EHF: variants seen among roughly 807,000 people sequenced by gnomAD.
EHF encodes the protein ETS homologous factor, also known as ESE3 transcription factor.
In EHF, 14 loss-of-function variants were observed where a neutral mutation model predicts 45.1. The observed-to-expected ratio is 0.31, with a 90% CI of 0.21 to 0.49. The LOEUF is 0.49. Among genes scored for constraint, EHF ranks in the 20% least tolerant of loss-of-function variants. The pLI is 0.99. For missense variants in EHF, 282 were observed against 371.4 expected (o/e 0.76, Z 1.98); for synonymous variants, 136 against 131.8 (o/e 1.03, Z -0.22).
chr11:34,636,435 T>A lies in EHF; in HGVS notation c.-3-6193T>A, dbSNP rs1015400020. 3.3e-5 allele frequency among the ~76,000 whole-genome samples: 5 copies of A among 152,182 alleles called. No homozygotes were observed. The East Asian group carries it at 7.7e-4, about 23-fold the overall frequency. On this transcript the variant is annotated intron_variant, in intron 1 of 8. Coordinates refer to ENST00000257831, the MANE Select transcript of EHF (RefSeq NM_012153.6). ...GGAGTCTACTCCTACCACAAGGATGTCCCCAGTGCCAGCCAACACAGTTTA... is the reference window on the plus strand; with the variant it reads ...GGAGTCTACTCCTACCACAAGGATGACCCCAGTGCCAGCCAACACAGTTTA...
chr11:34,635,272 G>A (rs1015594856), intron 1 of EHF, among the ~76,000 whole-genome samples: 5 of 151,988 alleles, frequency 3.3e-5, no homozygotes, highest in Non-Finnish European at 5.9e-5. Flanking sequence ...TGGAAGGTTC[G>A]CTCTGTATAT....
intron 4 of EHF, 90 bp downstream of exon 4, chr11:34,649,171 A>C: frequency 7.3e-7 from 1 of 1,369,108 alleles, no homozygotes; most frequent in Non-Finnish European, 1.0e-6. Context: ...TGTGGGGGCA[A>C]GTTTTTGCAG....
chr11:34,629,102 C>G (rs185294931), intron 1 of EHF, among the ~76,000 whole-genome samples: 12 of 152,306 alleles, frequency 7.9e-5, no homozygotes, highest in African/African-American at 2.9e-4. Context: ...TCAGGCTCAG[C>G]TACGCAACCT....
intron 1 of EHF, among the ~76,000 whole-genome samples, chr11:34,625,742 C>T (rs1035735481): frequency 6.6e-6 from 1 of 152,228 alleles, no homozygotes; most frequent in Non-Finnish European, 1.5e-5. Flanking sequence ...AGCACCTAAC[C>T]GCATTCTGTC....
chr11:34,624,866 G>T (rs1335515761), intron 1 of EHF, among the ~76,000 whole-genome samples: 2 of 152,186 alleles, frequency 1.3e-5, no homozygotes, highest in Non-Finnish European at 2.9e-5. Flanking sequence ...TGTGCTGGAC[G>T]GCAGTCTAGG....
chr11:34,659,168 A>T lies in EHF; in HGVS notation c.*237A>T, dbSNP rs1855927931. On this transcript the variant is annotated 3_prime_UTR_variant, in exon 9 of 9. Transcript: ENST00000257831. The stretch of plus-strand genomic sequence containing the variant: ...CGTACACAGTTTTCTGTGAAATATG[A>T]TGCTGTATGTGGTTGTGATTTTTTT... 1 of 402,206 alleles carries T rather than the reference A, an allele frequency of 2.5e-6. No homozygotes were observed. Among genetic ancestry groups the T allele is most frequent in the South Asian group, 4.6e-5 (1 of 21,848 alleles). 24.9% of individuals were successfully genotyped at this position (402,206 alleles called of 1,614,324 possible).
chr11:34,649,722 T>G (rs2134168235), intron 4 of EHF, among the ~76,000 whole-genome samples: 1 of 152,262 alleles, frequency 6.6e-6, no homozygotes, highest in East Asian at 1.9e-4. Context: ...GAGACTGTCC[T>G]CCAAAGTCCA....
intron 1 of EHF, chr11:34,624,290 G>A (rs1170396693): frequency 4.1e-6 from 4 of 985,254 alleles, no homozygotes; most frequent in South Asian, 4.7e-5. Flanking sequence ...CTGGGAAACC[G>A]AACGCGGCGC....
chr11:34,651,854 A>T, intron 6 of EHF, 49 bp downstream of exon 6: 1 of 1,524,812 alleles, frequency 6.6e-7, no homozygotes, highest in Non-Finnish European at 9.0e-7. Context: ...GCTTAGGGAG[A>T]ATCAGTGGGA....
At chr11:34,627,608 A>G (rs575798505) in intron 1 of EHF, among the ~76,000 whole-genome samples, 4 of 152,214 alleles carry the variant, frequency 2.6e-5, no homozygotes, top group African/African-American at 9.6e-5. Flanking sequence ...AAATTATTCA[A>G]ATGAGGTTTC....
intron 1 of EHF, among the ~76,000 whole-genome samples, chr11:34,634,946 C>A (rs1455219966): frequency 1.3e-5 from 2 of 152,124 alleles, no homozygotes; most frequent in Non-Finnish European, 2.9e-5. Flanking sequence ...AGTTTGAATT[C>A]TCTTCCAGTT....
chr11:34,630,817 C>T (rs11032792), intron 1 of EHF, among the ~76,000 whole-genome samples: 1,939 of 152,232 alleles, frequency 0.013, 47 homozygotes, highest in African/African-American at 0.044. Flanking sequence ...CCTCCCCTGT[C>T]GGAACACCCA....
chr11:34,660,093 C>T lies in EHF; in HGVS notation c.*1162C>T, dbSNP rs545733254. 1 of 152,090 alleles carries T rather than the reference C, an allele frequency of 6.6e-6. No homozygotes were observed. The highest frequency in any genetic ancestry group is 6.6e-5 in the Admixed American group (1 of 15,258). 9.4% of individuals were successfully genotyped at this position (152,090 alleles called of 1,614,324 possible). On this transcript the variant is annotated 3_prime_UTR_variant, in exon 9 of 9. Transcript: ENST00000257831. ...TTAGCTCCTTAGAGTGAAGCAAAAG[C>T]AAGACTTCAACCTCAACCTATCTTT...
At chr11:34,644,073 G>A (rs1036124960) in intron 2 of EHF, among the ~76,000 whole-genome samples, 3 of 152,178 alleles carry the variant, frequency 2.0e-5, no homozygotes, top group Non-Finnish European at 2.9e-5. Flanking sequence ...TGTCTGATGC[G>A]GAATCTCCCC....
chr11:34,652,079 A>G (rs182419671), intron 6 of EHF, among the ~76,000 whole-genome samples: 93 of 152,352 alleles, frequency 6.1e-4, no homozygotes, highest in Middle Eastern at 3.4e-3. Context: ...TTTATTTTCA[A>G]TGAAAACTTA....
chr11:34,642,569 T>C, intron 1 of EHF, 59 bp from the exon 2 acceptor site: 1 of 1,104,090 alleles, frequency 9.1e-7, no homozygotes, highest in Non-Finnish European at 1.4e-6. Context: ...TGATCTGCAC[T>C]TTCCAATGAC....
chr11:34,650,313 C>A (rs1324284899), intron 4 of EHF, among the ~76,000 whole-genome samples: 1 of 152,130 alleles, frequency 6.6e-6, no homozygotes, highest in Non-Finnish European at 1.5e-5. Flanking sequence ...CATAGAGGGG[C>A]CAACACCCCC....
intron 1 of EHF, among the ~76,000 whole-genome samples, chr11:34,641,735 C>A (rs777397837): frequency 6.6e-6 from 1 of 152,106 alleles, no homozygotes; most frequent in African/African-American, 2.4e-5. Flanking sequence ...TGGAGGGTGC[C>A]CGCTTGGGAA....
At chr11:34,653,116 C>A (rs555178665) in intron 6 of EHF, among the ~76,000 whole-genome samples, 29 of 152,166 alleles carry the variant, frequency 1.9e-4, no homozygotes, top group African/African-American at 6.3e-4. Context: ...AGTTCCTCTG[C>A]GACTTCCTAC....
Sources: gnomAD v4.1 joint callset for allele counts (sites outside exome capture counted in the v4.1 genomes callset) on GRCh38, gnomAD v4.1.1 for gene constraint, MANE v1.5 for transcripts, NCBI Gene and HGNC (gene_info 2026-07-23, HGNC 2026-07-21) for gene names.